Variants in EDA observed in about 807,000 individuals in gnomAD.
The protein encoded by EDA is ectodysplasin-A.
EDA carries 2 observed loss-of-function variants against 23.6 expected under a neutral mutation model. That is an observed-to-expected ratio of 0.08 (90% confidence interval 0.03 to 0.27). The LOEUF (loss-of-function observed/expected upper bound fraction) is 0.27, where lower values mean the gene tolerates loss of function less well. Among genes scored for constraint, EDA ranks in the 10% least tolerant of loss-of-function variants. The pLI, the probability that EDA is intolerant of heterozygous loss-of-function variation, is 1.00. For synonymous variants in EDA, 131 were observed against 132.0 expected (o/e 0.99, Z 0.05); for missense variants, 229 against 324.2 (o/e 0.71, Z 2.26).
chrX:69,789,299 G>A (rs1044256156), intron 1 of EDA, among the ~76,000 whole-genome samples: 4 of 112,031 alleles, frequency 3.6e-5, no homozygotes, highest in Admixed American at 9.4e-5. Flanking sequence ...GTTCCTATTC[G>A]GCCATCTTGG....
At chrX:69,638,967 C>T (rs1602241866) in intron 1 of EDA, among the ~76,000 whole-genome samples, 1 of 106,007 alleles carries the variant, frequency 9.4e-6, no homozygotes. Context: ...AACCATTAAT[C>T]TAACTTTTTT....
intron 1 of EDA, among the ~76,000 whole-genome samples, chrX:69,910,368 AGAGAGAGTGT>A (rs2018242422): frequency 2.3e-5 from 1 of 43,761 alleles, no homozygotes; most frequent in Non-Finnish European, 4.8e-5. Flanking sequence ...AGAGAGAGAG[AGAGAGAGTGT>A]GTGTGTGTGT....
At chrX:69,724,306 G>A (rs2012707439) in intron 1 of EDA, among the ~76,000 whole-genome samples, 1 of 111,995 alleles carries the variant, frequency 8.9e-6, no homozygotes, top group African/African-American at 3.2e-5. Flanking sequence ...CCTTGGGCCT[G>A]ATTTGGAGTT....
intron 1 of EDA, among the ~76,000 whole-genome samples, chrX:69,946,723 T>A (rs1222874091): frequency 9.0e-6 from 1 of 111,416 alleles, no homozygotes; most frequent in Non-Finnish European, 1.9e-5. Flanking sequence ...TTCCTTCATA[T>A]TTATCTAGAA....
intron 1 of EDA, among the ~76,000 whole-genome samples, chrX:69,641,913 G>A (rs1932843858): frequency 8.9e-6 from 1 of 112,010 alleles, no homozygotes; most frequent in African/African-American, 3.2e-5. Flanking sequence ...GAGGCTCACA[G>A]TTGATGTGAA....
chrX:69,980,226 C>T (rs1260903423), intron 2 of EDA, among the ~76,000 whole-genome samples: 2 of 111,509 alleles, frequency 1.8e-5, no homozygotes, highest in Non-Finnish European at 3.8e-5. Flanking sequence ...TTTCTTCTCC[C>T]TCACCCTCCT....
At chrX:69,774,191 T>C (rs188746023) in intron 1 of EDA, among the ~76,000 whole-genome samples, 74 of 112,097 alleles carry the variant, frequency 6.6e-4, no homozygotes, top group Admixed American at 1.2e-3. Context: ...TCTAATCTTT[T>C]TGGATTTTTT....
chrX:69,845,503 G>C (rs1220003162), intron 1 of EDA, among the ~76,000 whole-genome samples: 2 of 112,226 alleles, frequency 1.8e-5, no homozygotes, highest in African/African-American at 6.5e-5. Context: ...ACTTTACATA[G>C]CACTTCTGTG....
At chrX:70,007,934 T>A (rs1375836531) in intron 2 of EDA, among the ~76,000 whole-genome samples, 1 of 112,289 alleles carries the variant, frequency 8.9e-6, no homozygotes, top group Non-Finnish European at 1.9e-5. Context: ...TGCTGGTATG[T>A]AGGAAAGCAA....
chrX:69,982,390 A>G (rs905448254), intron 2 of EDA, among the ~76,000 whole-genome samples: 1 of 111,472 alleles, frequency 9.0e-6, no homozygotes, highest in African/African-American at 3.3e-5. Context: ...GCATAGAAAG[A>G]GAACTTGGAC....
chrX:69,712,632 C>A (rs1322555436), intron 1 of EDA, among the ~76,000 whole-genome samples: 1 of 111,337 alleles, frequency 9.0e-6, no homozygotes, highest in East Asian at 2.8e-4. Flanking sequence ...ACTAGTTCAA[C>A]CATTGTGGAA....
chrX:69,864,120 A>G (rs370264625), intron 1 of EDA, among the ~76,000 whole-genome samples: 36 of 111,607 alleles, frequency 3.2e-4, no homozygotes, highest in African/African-American at 1.1e-3. Context: ...TAATTTACAT[A>G]CAGCAAATGT....
chrX:69,955,255 A>G (rs889309455), intron 1 of EDA, among the ~76,000 whole-genome samples: 11 of 112,110 alleles, frequency 9.8e-5, no homozygotes, highest in African/African-American at 3.2e-4. Context: ...TTACATTCCA[A>G]TCAAGTGACT....
At chrX:69,909,859 A>C (rs1425199295) in intron 1 of EDA, among the ~76,000 whole-genome samples, 1 of 112,228 alleles carries the variant, frequency 8.9e-6, no homozygotes, top group African/African-American at 3.2e-5. Flanking sequence ...AGTATCCCCT[A>C]TTAAATGACT....
chrX:70,022,101 A>G (rs2020041767), intron 2 of EDA, among the ~76,000 whole-genome samples: 1 of 110,706 alleles, frequency 9.0e-6, no homozygotes, highest in African/African-American at 3.3e-5. Flanking sequence ...AAATCCGTAT[A>G]CAGAATGAAG....
intron 1 of EDA, among the ~76,000 whole-genome samples, chrX:69,622,773 C>T (rs1932230933): frequency 9.0e-6 from 1 of 111,039 alleles, no homozygotes; most frequent in African/African-American, 3.3e-5. Flanking sequence ...ATTTTCTTAC[C>T]TTGAAATTGT....
intron 1 of EDA, among the ~76,000 whole-genome samples, chrX:69,762,380 C>T (rs558879870): frequency 8.9e-6 from 1 of 112,017 alleles, no homozygotes; most frequent in African/African-American, 3.2e-5. Context: ...TCCAACCAGC[C>T]CTTTCTTGGT....
At chrX:69,736,133 C>T (rs2013246215) in intron 1 of EDA, among the ~76,000 whole-genome samples, 1 of 108,881 alleles carries the variant, frequency 9.2e-6, no homozygotes, top group Non-Finnish European at 1.9e-5. Flanking sequence ...ATGGTGAAAC[C>T]CCATCTCTAC....
intron 1 of EDA, among the ~76,000 whole-genome samples, chrX:69,830,670 G>T (rs1361356863): frequency 8.9e-6 from 1 of 112,078 alleles, no homozygotes; most frequent in African/African-American, 3.2e-5. Flanking sequence ...ATCTTTTAGG[G>T]ATCATGGAAA....
Sources: gnomAD v4.1 joint callset for allele counts (sites outside exome capture counted in the v4.1 genomes callset) on GRCh38, gnomAD v4.1.1 for gene constraint, MANE v1.5 for transcripts, NCBI Gene and HGNC (gene_info 2026-07-23, HGNC 2026-07-21) for gene names.